The following SNX10 variants were observed in gnomAD, a reference collection of about 807,000 sequenced individuals.
SNX10 encodes sorting nexin 10.
Under a neutral mutation model 28.5 loss-of-function variants are expected in SNX10, and 25 were observed. The observed-to-expected ratio is 0.88, with a 90% CI of 0.64 to 1.22. SNX10 has a LOEUF of 1.22. SNX10 is among the 50% of genes most tolerant of loss of function. The pLI is 0.00. For missense variants in SNX10, 223 were observed against 242.6 expected, an observed-to-expected ratio of 0.92 and a Z score of 0.54; for synonymous variants, 62 against 81.4, an observed-to-expected ratio of 0.76 and a Z score of 1.28.
At chr7:26,361,948 A>G (rs1389597368) in intron 3 of SNX10, among the ~76,000 whole-genome samples, 1 of 152,236 alleles carries the variant, frequency 6.6e-6, no homozygotes, top group African/African-American at 2.4e-5. Flanking sequence ...ATAGCAATTG[A>G]CCCAGATTGT....
intron 1 of SNX10, among the ~76,000 whole-genome samples, chr7:26,320,495 G>GCA (rs1787269694): frequency 6.6e-6 from 1 of 151,514 alleles, no homozygotes; most frequent in East Asian, 2.0e-4. Flanking sequence ...GCAGTGGTGC[G>GCA]ATCTCTGCTC....
intron 1 of SNX10, among the ~76,000 whole-genome samples, chr7:26,320,262 G>A (rs1026451299): frequency 6.6e-6 from 1 of 151,850 alleles, no homozygotes; most frequent in East Asian, 1.9e-4. Context: ...GATTACAGGT[G>A]TGAGCCCCTG....
At chr7:26,346,078 C>T (rs749071016) in intron 1 of SNX10, among the ~76,000 whole-genome samples, 10 of 152,172 alleles carry the variant, frequency 6.6e-5, no homozygotes, top group Non-Finnish European at 1.3e-4. Flanking sequence ...CAGCCAGCAT[C>T]CCCCCGCACA....
At chr7:26,337,825 A>T (rs1474595636) in intron 1 of SNX10, among the ~76,000 whole-genome samples, 3 of 152,234 alleles carry the variant, frequency 2.0e-5, no homozygotes, top group Non-Finnish European at 1.5e-5. Flanking sequence ...TTGGATGGAT[A>T]TCTGGAAGTG....
chr7:26,326,133 T>C (rs1787495057), intron 1 of SNX10, among the ~76,000 whole-genome samples: 1 of 152,180 alleles, frequency 6.6e-6, no homozygotes, highest in African/African-American at 2.4e-5. Flanking sequence ...CTCCATGGAC[T>C]GTGGGGGAGG....
intron 1 of SNX10, among the ~76,000 whole-genome samples, chr7:26,335,905 G>T (rs1181586841): frequency 6.6e-6 from 1 of 151,398 alleles, no homozygotes; most frequent in Admixed American, 6.6e-5. Context: ...CACTGCGCCC[G>T]GCTAATTTTT....
At chr7:26,328,388 C>T (rs942197616) in intron 1 of SNX10, among the ~76,000 whole-genome samples, 5 of 152,158 alleles carry the variant, frequency 3.3e-5, no homozygotes, top group Admixed American at 3.3e-4. Flanking sequence ...TGTCTACCAG[C>T]CTGGTTTGGA....
chr7:26,298,690 G>C (rs2127992825), intron 1 of SNX10, among the ~76,000 whole-genome samples: 1 of 152,336 alleles, frequency 6.6e-6, no homozygotes, highest in South Asian at 2.1e-4. Flanking sequence ...AGTTTGGGCT[G>C]CCATAACAAA....
intron 2 of SNX10, among the ~76,000 whole-genome samples, chr7:26,353,461 G>GGA (rs1554359916): frequency 4.7e-5 from 2 of 42,398 alleles, no homozygotes; most frequent in East Asian, 9.3e-4. Flanking sequence ...TTTTTTTTTT[G>GGA]GTGGGGAGAC....
intron 1 of SNX10, among the ~76,000 whole-genome samples, chr7:26,341,928 T>C (rs1788190504): frequency 7.7e-6 from 1 of 129,330 alleles, no homozygotes; most frequent in African/African-American, 3.4e-5. Flanking sequence ...CTTTCTGTCC[T>C]TCTCCCTTCC....
At chr7:26,362,799 T>A (rs1170088758) in intron 3 of SNX10, among the ~76,000 whole-genome samples, 1 of 152,184 alleles carries the variant, frequency 6.6e-6, no homozygotes, top group African/African-American at 2.4e-5. Flanking sequence ...TAACATTTAC[T>A]TGGAATTTTA....
chr7:26,318,976 T>G (rs770081061), intron 1 of SNX10, among the ~76,000 whole-genome samples: 13 of 152,224 alleles, frequency 8.5e-5, no homozygotes, highest in Admixed American at 3.9e-4. Context: ...AGTGGCATAG[T>G]TGGGGATTTG....
intron 1 of SNX10, among the ~76,000 whole-genome samples, chr7:26,316,777 C>T (rs1321373729): frequency 6.6e-6 from 1 of 152,196 alleles, no homozygotes; most frequent in Non-Finnish European, 1.5e-5. Flanking sequence ...CTGGGCAGCC[C>T]ATGCTTCATC....
intron 1 of SNX10, among the ~76,000 whole-genome samples, chr7:26,341,326 C>T (rs946390633): frequency 1.6e-4 from 25 of 151,960 alleles, no homozygotes; most frequent in African/African-American, 5.8e-4. Context: ...AATAATAATT[C>T]TTACAATGAA....
At chr7:26,301,192 C>G (rs1786351359) in intron 1 of SNX10, among the ~76,000 whole-genome samples, 2 of 152,110 alleles carry the variant, frequency 1.3e-5, no homozygotes, top group Admixed American at 6.6e-5. Context: ...TATGTCTAAC[C>G]AGGCTTTCTG....
chr7:26,355,370 A>G (rs1406741291), intron 2 of SNX10, among the ~76,000 whole-genome samples: 3 of 152,154 alleles, frequency 2.0e-5, no homozygotes, highest in Non-Finnish European at 4.4e-5. Context: ...TCTTGCTGAG[A>G]TTTTTTATAG....
At chr7:26,353,116 C>G (rs1015064885) in intron 2 of SNX10, among the ~76,000 whole-genome samples, 1 of 152,122 alleles carries the variant, frequency 6.6e-6, no homozygotes, top group Admixed American at 6.5e-5. Context: ...AAAGGCAGGT[C>G]TAGCTAAATC....
chr7:26,356,369 T>A (rs1788818156), intron 2 of SNX10, among the ~76,000 whole-genome samples: 1 of 152,178 alleles, frequency 6.6e-6, no homozygotes, highest in Non-Finnish European at 1.5e-5. Flanking sequence ...GCTGAAGCAA[T>A]TTTCCTAGGA....
chr7:26,296,226 C>A (rs1375947005), intron 1 of SNX10, among the ~76,000 whole-genome samples: 1 of 152,100 alleles, frequency 6.6e-6, no homozygotes, highest in East Asian at 1.9e-4. Context: ...TAAGCCATCT[C>A]CTGGCTGAAG....
Sources: allele counts gnomAD v4.1 joint callset (sites outside exome capture counted in the v4.1 genomes callset), GRCh38; gene constraint gnomAD v4.1.1; transcripts MANE v1.5; gene names NCBI Gene and HGNC (gene_info 2026-07-23, HGNC 2026-07-21).